Variants in HEBP2 observed in about 807,000 individuals in gnomAD.
The protein encoded by HEBP2 is heme binding protein 2.
HEBP2 carries 27 observed loss-of-function variants against 23.1 expected under a neutral mutation model. The observed-to-expected ratio is 1.17, with a 90% confidence interval of 0.86 to 1.61. The LOEUF is 1.61. Ranked by LOEUF, HEBP2 falls within the 40% of genes most tolerant of loss-of-function variation. The probability of loss-of-function intolerance (pLI) is 0.00; values close to 1 mark genes in which losing one functional copy is unlikely to be tolerated. For missense variants in HEBP2, 245 were observed against 253.8 expected (o/e 0.97, Z 0.24); for synonymous variants, 99 against 95.1 (o/e 1.04, Z -0.24).
At chr6:138,405,652 A>C (rs181422707) in intron 2 of HEBP2, among the ~76,000 whole-genome samples, 5 of 152,346 alleles carry the variant, frequency 3.3e-5, no homozygotes, top group Admixed American at 6.5e-5. Context: ...ATATTTTAGC[A>C]GGTCTCTTAG....
chr6:138,404,225 C>T lies in HEBP2; in HGVS notation c.-271C>T. ...GCGGGCCGAAGCGAGGTGCGGCTCC[C>T]TGTCGCCGCGGAGGGGCGGGGGCAG... On this transcript the variant is annotated 5_prime_UTR_variant, in exon 1 of 4. Coordinates refer to ENST00000607197, the MANE Select transcript of HEBP2 (RefSeq NM_014320.3). 3.2e-6 allele frequency: 1 copy of T among 308,726 alleles called. No homozygotes were observed. Among genetic ancestry groups the T allele is most frequent in the Non-Finnish European group, 5.9e-6 (1 of 169,066 alleles). 19.1% of individuals were successfully genotyped at this position (308,726 alleles called of 1,614,324 possible). A position where few individuals can be genotyped will look rare whatever the true frequency, so the allele number is the denominator to read the frequency against.
At position 138,417,581 on chromosome 6, in the gene HEBP2, T is replaced by C; in HGVS notation, c.*4503T>C. On this transcript the variant is annotated 3_prime_UTR_variant, in exon 4 of 4. Transcript: ENST00000607197. ...GCTCAGGCGAATGGCCTGGAGGCAG[T>C]TTCTAGGCAGCAAAGCAGGGAGAGG... is the stretch of plus-strand genomic sequence containing the variant. 1 of 152,554 alleles carries C rather than the reference T, an allele frequency of 6.6e-6. No individual in the cohort carries two copies. The allele number at this position is 152,554 out of a possible 1,614,324, so 9.5% of individuals were successfully genotyped here.
rs1774821739 is a variant in HEBP2 at position 138,415,161 on chromosome 6, T to C, written c.*2083T>C. 1 of 152,226 alleles carries C rather than the reference T, an allele frequency of 6.6e-6. No homozygotes were observed. The highest frequency in any genetic ancestry group is 1.5e-5 in the Non-Finnish European group (1 of 68,062). The allele number at this position is 152,226 out of a possible 1,614,324, so 9.4% of individuals were successfully genotyped here. A position where few individuals can be genotyped will look rare whatever the true frequency, so the allele number is the denominator to read the frequency against. On this transcript the variant is annotated 3_prime_UTR_variant, in exon 4 of 4. Transcript: ENST00000607197. ...TAGAGACTTTGTTAGATCCTACCGTTCCTCTGCTCAATCCTGCTTTTCCCT... is the reference window on the plus strand; with the variant it reads ...TAGAGACTTTGTTAGATCCTACCGTCCCTCTGCTCAATCCTGCTTTTCCCT...
chr6:138,405,256 T>G lies in HEBP2; in HGVS notation c.214T>G (p.Tyr72Asp), dbSNP rs1388477311. The change falls in exon 2 of 4, where the codon TAC (tyrosine) becomes GAC (aspartate). Residue 72 changes from tyrosine to aspartate, a missense_variant. Tyr to Asp is a radical substitution (Grantham distance 160, BLOSUM62 -3). Coordinates refer to ENST00000607197, the MANE Select transcript of HEBP2 (RefSeq NM_014320.3). ...IQTGFTKLNSYIQGKNEKEMK... is the reference protein window; with the variant it reads ...IQTGFTKLNSDIQGKNEKEMK... ...GACGGGCTTTACGAAACTGAACAGC[T>G]ACATTCAAGGCAAAAACGAGAAAGG... The G allele has an allele frequency of 6.2e-7, 1 of 1,614,086 alleles. No individual in the cohort carries two copies. The highest frequency in any genetic ancestry group is 8.5e-7 in the Non-Finnish European group (1 of 1,180,028).
rs1774884147 is a variant in HEBP2 at position 138,419,390 on chromosome 6, G to C, written c.*6312G>C. ...CACAAGGACAGACTTCCTATTCTAGGTATGTGGTTCCTTTCGGGCCTACAG... is the reference window on the plus strand; with the variant it reads ...CACAAGGACAGACTTCCTATTCTAGCTATGTGGTTCCTTTCGGGCCTACAG... On this transcript the variant is annotated 3_prime_UTR_variant, in exon 4 of 4. Coordinates refer to ENST00000607197, the MANE Select transcript of HEBP2 (RefSeq NM_014320.3). 6.6e-6 allele frequency: 1 copy of C among 152,152 alleles called. No individual in the cohort carries two copies. The highest frequency in any genetic ancestry group is 1.5e-5 in the Non-Finnish European group (1 of 68,028). The allele number at this position is 152,152 out of a possible 1,614,324, so 9.4% of individuals were successfully genotyped here.
intron 3 of HEBP2, chr6:138,412,058 A>G: frequency 2.2e-6 from 1 of 450,200 alleles, no homozygotes; most frequent in South Asian, 1.6e-5. Context: ...TTCATCTGTA[A>G]TCCAGTGTTT....
At chr6:138,409,476 C>T (rs1000753250) in intron 3 of HEBP2, among the ~76,000 whole-genome samples, 6 of 152,308 alleles carry the variant, frequency 3.9e-5, no homozygotes, top group South Asian at 2.1e-4. Flanking sequence ...TTCTAGGGAC[C>T]GCACTAAGTC....
At position 138,415,660 on chromosome 6, in the gene HEBP2, T is replaced by C. The variant is rs554230853; in HGVS notation, c.*2582T>C. 2 of 152,142 alleles carry C rather than the reference T, an allele frequency of 1.3e-5. No individual in the cohort carries two copies. The highest frequency in any genetic ancestry group is 3.9e-4 in the East Asian group (2 of 5,182). The allele number at this position is 152,142 out of a possible 1,614,324, so 9.4% of individuals were successfully genotyped here. On this transcript the variant is annotated 3_prime_UTR_variant, in exon 4 of 4. Coordinates refer to ENST00000607197, the MANE Select transcript of HEBP2 (RefSeq NM_014320.3). ...CATGCTGTAGCCAAGCAGAGCAAGC[T>C]GAAGGCCAAGCACAGGATTTGATGG...
Position 138,419,876 on chromosome 6 carries a change from G to C in HEBP2, c.*6798G>C, listed in dbSNP as rs1774892792. On this transcript the variant is annotated 3_prime_UTR_variant, in exon 4 of 4. Coordinates refer to ENST00000607197, the MANE Select transcript of HEBP2 (RefSeq NM_014320.3). ...CTGTATACCTTCTCTAGGCAATATT[G>C]CAAGAATCCCATTGAACTACAGTCT... 6.6e-6 allele frequency: 1 copy of C among 152,174 alleles called. No homozygotes were observed. The highest frequency in any genetic ancestry group is 2.1e-4 in the South Asian group (1 of 4,818). 9.4% of individuals were successfully genotyped at this position (152,174 alleles called of 1,614,324 possible).
chr6:138,409,906 C>G (rs1331998623), intron 3 of HEBP2, among the ~76,000 whole-genome samples: 2 of 152,182 alleles, frequency 1.3e-5, no homozygotes, highest in South Asian at 2.1e-4. Flanking sequence ...TTTTAAAATG[C>G]GTGTGATCAT....
At position 138,415,737 on chromosome 6, in the gene HEBP2, C is replaced by G. The variant is rs1464606938; in HGVS notation, c.*2659C>G. 1 of 152,130 alleles carries G rather than the reference C, an allele frequency of 6.6e-6. No homozygotes were observed. Among genetic ancestry groups the G allele is most frequent in the Non-Finnish European group, 1.5e-5 (1 of 68,022 alleles). The allele number at this position is 152,130 out of a possible 1,614,324, so 9.4% of individuals were successfully genotyped here. A position where few individuals can be genotyped will look rare whatever the true frequency, so the allele number is the denominator to read the frequency against. On this transcript the variant is annotated 3_prime_UTR_variant, in exon 4 of 4. Coordinates refer to ENST00000607197, the MANE Select transcript of HEBP2 (RefSeq NM_014320.3). ...CTCAACCAAGCCAGGTCTGTTAGAT[C>G]AAGGTTGGAATCAAACTTGGGATCC...
Position 138,416,474 on chromosome 6 carries a change from A to C in HEBP2, c.*3396A>C, listed in dbSNP as rs1366320188. ...CCTTCAGCAAGGCTGCTGGGAATGC[A>C]CTGATAAGCGGGCTTGGGCATCATA... On this transcript the variant is annotated 3_prime_UTR_variant, in exon 4 of 4. Transcript: ENST00000607197. 1 of 152,376 alleles carries C rather than the reference A, an allele frequency of 6.6e-6. No homozygotes were observed. The highest frequency in any genetic ancestry group is 1.5e-5 in the Non-Finnish European group (1 of 68,106). The allele number at this position is 152,376 out of a possible 1,614,324, so 9.4% of individuals were successfully genotyped here.
Position 138,416,234 on chromosome 6 carries a change from G to T in HEBP2, c.*3156G>T, listed in dbSNP as rs531514367. On this transcript the variant is annotated 3_prime_UTR_variant, in exon 4 of 4. Transcript: ENST00000607197. ...CAGGATAGAGGATTTCACACCATGA[G>T]AAAAATGCCAGGAGATAATACAGAC... is the stretch of plus-strand genomic sequence containing the variant. The T allele has an allele frequency of 2.0e-5, 3 of 152,382 alleles. No homozygotes were observed. In the East Asian group the frequency reaches 5.8e-4, roughly 29 times the overall value. 9.4% of individuals were successfully genotyped at this position (152,382 alleles called of 1,614,324 possible).
intron 1 of HEBP2, 52 bp downstream of exon 1, chr6:138,404,649 G>C: frequency 8.8e-7 from 1 of 1,136,004 alleles, no homozygotes. Flanking sequence ...CGGCTGATTT[G>C]CAGTGAGGCC....
Position 138,421,998 on chromosome 6 carries a change from AT to A in HEBP2, c.*8922del, listed in dbSNP as rs1774951062. The A allele has an allele frequency of 6.6e-6, 1 of 152,212 alleles. No individual in the cohort carries two copies. The highest frequency in any genetic ancestry group is 2.4e-5 in the African/African-American group (1 of 41,442). The allele number at this position is 152,212 out of a possible 1,614,324, so 9.4% of individuals were successfully genotyped here. A position where few individuals can be genotyped will look rare whatever the true frequency, so the allele number is the denominator to read the frequency against. Reference sequence around the variant, plus strand: ...TCTGTATAAGAACACCTATCTCATTATTCAAAAAAAATGCATGTATAAACAA... The same window carrying A: ...TCTGTATAAGAACACCTATCTCATTATCAAAAAAAATGCATGTATAAACAA... On this transcript the variant is annotated 3_prime_UTR_variant, in exon 4 of 4. Coordinates refer to ENST00000607197, the MANE Select transcript of HEBP2 (RefSeq NM_014320.3).
chr6:138,406,251 C>G, intron 3 of HEBP2, 100 bp downstream of exon 3: 2 of 1,065,406 alleles, frequency 1.9e-6, no homozygotes, highest in Non-Finnish European at 2.8e-6. Flanking sequence ...TTTCACCCTT[C>G]CATAAAATCA....
intron 3 of HEBP2, among the ~76,000 whole-genome samples, chr6:138,408,307 G>A (rs1374151806): frequency 1.3e-5 from 2 of 152,184 alleles, no homozygotes; most frequent in East Asian, 1.9e-4. Context: ...ATCAAGAGAA[G>A]CGAAGCCACA....
In HEBP2 at chr6:138,413,187, A is replaced by G. The variant is rs1481975889; in HGVS notation, c.*109A>G. ...TCTAGTGTCTTCTATTGAGAGTACTACTATTAATTAAGCTTATTTCCAATG... is the reference window on the plus strand; with the variant it reads ...TCTAGTGTCTTCTATTGAGAGTACTGCTATTAATTAAGCTTATTTCCAATG... On this transcript the variant is annotated 3_prime_UTR_variant, in exon 4 of 4. Coordinates refer to ENST00000607197, the MANE Select transcript of HEBP2 (RefSeq NM_014320.3). The G allele has an allele frequency of 2.5e-6, 2 of 787,170 alleles. No homozygotes were observed. Among genetic ancestry groups the G allele is most frequent in the East Asian group, 2.6e-5 (1 of 39,086 alleles). The allele number at this position is 787,170 out of a possible 1,614,324, so 48.8% of individuals were successfully genotyped here.
chr6:138,412,150 G>A (rs1410140260), intron 3 of HEBP2: 2 of 411,732 alleles, frequency 4.9e-6, no homozygotes, highest in South Asian at 3.6e-5. Flanking sequence ...CAGGGGTGTT[G>A]GTGTAGTTCT....
Sources: gnomAD v4.1 joint callset for allele counts (sites outside exome capture counted in the v4.1 genomes callset) on GRCh38, gnomAD v4.1.1 for gene constraint, MANE v1.5 for transcripts, NCBI Gene and HGNC (gene_info 2026-07-23, HGNC 2026-07-21) for gene names.